PEAR1: variants seen among roughly 807,000 people sequenced by gnomAD.
The protein encoded by PEAR1 is multiple EGF-like domains protein 12.
A neutral mutation model predicts 131.2 loss-of-function variants in PEAR1; 113 were observed. That is an observed-to-expected ratio of 0.86 (90% CI 0.74 to 1.01). The LOEUF is 1.01. PEAR1 is among the 50% of genes least tolerant of loss of function. The probability of loss-of-function intolerance (pLI) is 0.00; values close to 1 mark genes in which losing one functional copy is unlikely to be tolerated. For synonymous variants in PEAR1, 565 were observed against 523.3 expected (o/e 1.08, Z -1.09); for missense variants, 1,408 against 1,391.1 (o/e 1.01, Z -0.19).
chr1:156,899,351 G>A (rs1316352458), intron 1 of PEAR1, among the ~76,000 whole-genome samples: 1 of 152,124 alleles, frequency 6.6e-6, no homozygotes, highest in African/African-American at 2.4e-5. Context: ...CCCAGGGCTG[G>A]GGGAAGCAGA....
rs774252576 is a variant in PEAR1, at chr1:156,913,993, G to A, written c.2855G>A (p.Gly952Glu). The change falls in exon 22 of 23, where the codon GGA (glycine) becomes GAA (glutamate). Residue 952 changes from glycine (G) to glutamate (E), a missense_variant. Transcript: ENST00000292357. ...ATGGAGATGAAAGGCCCTCCCTCAG[G>A]ATCTCCCCCCAGGCAGCCTCCTCAG... The part of the protein sequence containing the change: ...SYMEMKGPPS[G>E]SPPRQPPQFW... The A allele has an allele frequency of 5.0e-6, 8 of 1,613,308 alleles. No individual in the cohort carries two copies. The highest frequency in any genetic ancestry group is 1.3e-5 in the African/African-American group (1 of 74,894).
chr1:156,914,778 C>T lies in PEAR1; in HGVS notation c.3094C>T (p.Leu1032Phe). The T allele has an allele frequency of 6.2e-7, 1 of 1,613,990 alleles. No individual in the cohort carries two copies. Among genetic ancestry groups the T allele is most frequent in the South Asian group, 1.1e-5 (1 of 91,044 alleles). ...PPVRHPPSPPLRRQDR is the reference protein window; with the variant it reads ...PPVRHPPSPPFRRQDR ...AGTACGGCATCCCCCATCACCTCCACTTCGACGCCAGGACCGTTGAGGAGC... is the reference window on the plus strand; with the variant it reads ...AGTACGGCATCCCCCATCACCTCCATTTCGACGCCAGGACCGTTGAGGAGC... The change falls in exon 23 of 23, where the codon CTT becomes TTT. Residue 1032 changes from leucine to phenylalanine, a missense_variant. Physicochemically the swap from Leu to Phe is conservative, Grantham distance 22. Coordinates refer to ENST00000292357, the MANE Select transcript of PEAR1 (RefSeq NM_001080471.3).
At position 156,902,051 on chromosome 1, in the gene PEAR1, A is replaced by C. The variant is rs1649735136; in HGVS notation, c.-9-1867A>C. ...GGCCACAGTGTCAGCTCTGGAGACA[A>C]GCTGCCAGAAAGAGGCTTCTGGTCA... On this transcript the variant is annotated intron_variant, in intron 1 of 22. Transcript: ENST00000292357. This position sits in a 1 kb window ranked among gnomAD's most constrained non-coding sequence, Gnocchi z 4.3. The C allele has an allele frequency of 6.6e-6, 1 of 152,192 alleles. No homozygotes were observed. Among genetic ancestry groups the C allele is most frequent in the South Asian group, 2.1e-4 (1 of 4,834 alleles). The allele number at this position is 152,192 out of a possible 1,614,324, so 9.4% of individuals were successfully genotyped here.
chr1:156,913,656 C>G (rs749109105), intron 20 of PEAR1, 36 bp from the exon 21 acceptor site: 8 of 1,608,696 alleles, frequency 5.0e-6, no homozygotes, highest in African/African-American at 1.3e-5. Context: ...GGGGAGGGGA[C>G]AGAGGGCTGA....
chr1:156,906,253 C>G (rs370148014), intron 4 of PEAR1, 23 bp from the exon 5 acceptor site: 2 of 1,610,616 alleles, frequency 1.2e-6, no homozygotes, highest in Non-Finnish European at 1.7e-6. Context: ...GGACACATCT[C>G]ACCACACCCA....
rs561475195 is a variant in PEAR1 at position 156,898,754 on chromosome 1, G to C, written c.-10+4917G>C. ...CCTTAGCACCAAGCTAAGACGCATG[G>C]CTTTAGTGAGTGGATTGTAGCTGGA... On this transcript the variant is annotated intron_variant, in intron 1 of 22. Coordinates refer to ENST00000292357, the MANE Select transcript of PEAR1 (RefSeq NM_001080471.3). 3.9e-5 allele frequency among the ~76,000 whole-genome samples: 6 copies of C among 152,312 alleles called. No homozygotes were observed. In the East Asian group the frequency reaches 1.2e-3, roughly 29 times the overall value.
rs747255226 is a variant in PEAR1, at chr1:156,909,023, C to T, written c.1398C>T (p.Cys466=). ...AIACSPIDGE[C]VCKEGWQRGN... ...CCTGCTCACCCATCGACGGCGAGTG[C>T]GTCTGCAAGGAAGGTAATAGGGTGG... The change falls in exon 11 of 23, where the codon TGC becomes TGT. Residue 466 remains cysteine (C), a synonymous_variant. Transcript: ENST00000292357. The T allele has an allele frequency of 2.5e-6, 4 of 1,613,870 alleles. No individual in the cohort carries two copies. The highest frequency in any genetic ancestry group is 1.1e-5 in the South Asian group (1 of 91,088).
At position 156,906,771 on chromosome 1, in the gene PEAR1, AC is replaced by A. The variant is rs749009144; in HGVS notation, c.539del (p.Pro180LeufsTer197). On this transcript the variant is annotated frameshift_variant, in exon 6 of 23. Coordinates refer to ENST00000292357, the MANE Select transcript of PEAR1 (RefSeq NM_001080471.3). LOFTEE classifies it high-confidence loss of function. ...GCCCCCGAACTGCCTTCAGCCCTGT[AC>A]CCCTGGCTACTATGGCCCTGCCTGC... is the stretch of plus-strand genomic sequence containing the variant. ...LQPPNCLQPC[T>X]PGYYGPACQF... 1.2e-6 allele frequency: 2 copies of A among 1,614,084 alleles called. No homozygotes were observed. Among genetic ancestry groups the A allele is most frequent in the Non-Finnish European group, 1.7e-6 (2 of 1,180,026 alleles).
Position 156,914,873 on chromosome 1 carries a change from C to T in PEAR1, c.*75C>T. ...AAGGCTGGGGACAGAGCCTAGTGTA[C>T]CCCTGCCAGGAGCAGGGAGTGGACC... On this transcript the variant is annotated 3_prime_UTR_variant, in exon 23 of 23. Coordinates refer to ENST00000292357, the MANE Select transcript of PEAR1 (RefSeq NM_001080471.3). 2 of 1,527,250 alleles carry T rather than the reference C, an allele frequency of 1.3e-6. No individual in the cohort carries two copies. Among genetic ancestry groups the T allele is most frequent in the Middle Eastern group, 1.7e-4 (1 of 5,734 alleles). The allele number at this position is 1,527,250 out of a possible 1,614,324, so 94.6% of individuals were successfully genotyped here. A position where few individuals can be genotyped will look rare whatever the true frequency, so the allele number is the denominator to read the frequency against.
rs267598083 is a variant in PEAR1, at chr1:156,906,831, G to A, written c.595G>A (p.Asp199Asn). ...FRCQCHGAPCDPQTGACFCPA... is the reference protein window; with the variant it reads ...FRCQCHGAPCNPQTGACFCPA... ...CTGCCAGTGCCATGGGGCACCCTGC[G>A]ATCCCCAGACTGGAGCCTGCTTCTG... Residue 199 changes from aspartate (D) to asparagine (N), a missense_variant, in exon 6 of 23, where the codon GAT becomes AAT. Asp to Asn is a conservative substitution (Grantham distance 23). Coordinates refer to ENST00000292357, the MANE Select transcript of PEAR1 (RefSeq NM_001080471.3). The A allele has an allele frequency of 5.0e-6, 8 of 1,614,050 alleles. No individual in the cohort carries two copies. In the East Asian group the frequency reaches 6.7e-5, roughly 13 times the overall value.
In PEAR1 at chr1:156,908,101, G is replaced by T. The variant is rs769187229; in HGVS notation, c.903-27G>T. Reference sequence around the variant, plus strand: ...GACGGGAGGGAGGAGGTGGGGCGCCGCCAGGCTCACTCAGCTAGGTGCCCA... The same window carrying T: ...GACGGGAGGGAGGAGGTGGGGCGCCTCCAGGCTCACTCAGCTAGGTGCCCA... On this transcript the variant is annotated intron_variant, in intron 8 of 22. Transcript: ENST00000292357. The surrounding 1 kb of genome is among the most constrained non-coding windows in gnomAD (Gnocchi z 4.2). 1.9e-6 allele frequency: 3 copies of T among 1,585,518 alleles called. No individual in the cohort carries two copies. Among genetic ancestry groups the T allele is most frequent in the African/African-American group, 1.3e-5 (1 of 74,722 alleles).
Position 156,908,617 on chromosome 1 carries a change from C to T in PEAR1, c.1116-38C>T, listed in dbSNP as rs1408539217. On this transcript the variant is annotated intron_variant, in intron 9 of 22. Coordinates refer to ENST00000292357, the MANE Select transcript of PEAR1 (RefSeq NM_001080471.3). This position sits in a 1 kb window ranked among gnomAD's most constrained non-coding sequence, Gnocchi z 4.2. ...GTCGGGAAGCTGCCCTGCCCCTGCCCAGCTCAGACCGCGCCACGCCCCCGC... is the reference window on the plus strand; with the variant it reads ...GTCGGGAAGCTGCCCTGCCCCTGCCTAGCTCAGACCGCGCCACGCCCCCGC... The T allele has an allele frequency of 4.7e-6, 7 of 1,484,406 alleles. No individual in the cohort carries two copies. The highest frequency in any genetic ancestry group is 1.4e-5 in the African/African-American group (1 of 71,962). The allele number at this position is 1,484,406 out of a possible 1,614,324, so 92.0% of individuals were successfully genotyped here.
In PEAR1 at chr1:156,912,298, A is replaced by C. The variant is rs1570987787; in HGVS notation, c.2003A>C (p.His668Pro). Reference protein sequence around the residue: ...GENCAQTCQCHHGGTCHPQDG... With the variant: ...GENCAQTCQCPHGGTCHPQDG... ...AACTGTGCCCAGACCTGCCAATGTC[A>C]CCATGGTGGGACCTGCCATCCCCAG... is the stretch of plus-strand genomic sequence containing the variant. The change falls in exon 16 of 23, where the codon CAC becomes CCC. Residue 668 changes from histidine to proline, a missense_variant. Transcript: ENST00000292357. 1 of 1,613,984 alleles carries C rather than the reference A, an allele frequency of 6.2e-7. No homozygotes were observed. The highest frequency in any genetic ancestry group is 8.5e-7 in the Non-Finnish European group (1 of 1,179,974).
At chr1:156,905,122 T>C in intron 3 of PEAR1, 1 of 1,218,574 alleles carries the variant, frequency 8.2e-7, no homozygotes, top group Non-Finnish European at 1.2e-6. Flanking sequence ...CTTTTTTTAA[T>C]AGACAAGGTC....
At chr1:156,900,278 G>C (rs938115381) in intron 1 of PEAR1, among the ~76,000 whole-genome samples, 7 of 152,006 alleles carry the variant, frequency 4.6e-5, no homozygotes, top group African/African-American at 1.7e-4. Flanking sequence ...ACACATCTCA[G>C]TTCCCACGCT....
chr1:156,906,556 C>A, intron 5 of PEAR1, 81 bp from the exon 6 acceptor site: 1 of 1,581,206 alleles, frequency 6.3e-7, no homozygotes, highest in South Asian at 1.2e-5. Flanking sequence ...GGCTGGGAGA[C>A]AGAGGCTGGG....
chr1:156,911,262 T>TCTCC (rs146377491), intron 15 of PEAR1, among the ~76,000 whole-genome samples: 2 of 115,938 alleles, frequency 1.7e-5, no homozygotes, highest in South Asian at 2.9e-4. Context: ...TCTTCTTTTC[T>TCTCC]CTCCCTCCCT....
intron 15 of PEAR1, among the ~76,000 whole-genome samples, chr1:156,911,184 CTTCT>C (rs556818951): frequency 0.032 from 3,340 of 104,418 alleles, 328 homozygotes; most frequent in East Asian, 0.084. Flanking sequence ...TCTTTTCTTT[CTTCT>C]TTCTTTCTTT....
In PEAR1 at chr1:156,906,837, C is replaced by T. The variant is rs779716005; in HGVS notation, c.601C>T (p.Gln201Ter). The part of the protein sequence containing the change: ...CQCHGAPCDP[Q>*]TGACFCPAER... ...GTGCCATGGGGCACCCTGCGATCCCCAGACTGGAGCCTGCTTCTGCCCCGC... is the reference window on the plus strand; with the variant it reads ...GTGCCATGGGGCACCCTGCGATCCCTAGACTGGAGCCTGCTTCTGCCCCGC... The change falls in exon 6 of 23, where the codon CAG becomes TAG. Residue 201 changes from glutamine to a stop codon, truncating the protein, a stop_gained. Transcript: ENST00000292357. LOFTEE classifies it high-confidence loss of function. 1.2e-6 allele frequency: 2 copies of T among 1,614,078 alleles called. No homozygotes were observed. Among genetic ancestry groups the T allele is most frequent in the African/African-American group, 2.7e-5 (2 of 74,950 alleles).
Sources: allele counts gnomAD v4.1 joint callset (sites outside exome capture counted in the v4.1 genomes callset), GRCh38; gene constraint gnomAD v4.1.1; non-coding constraint Gnocchi (gnomAD v3.1); transcripts MANE v1.5; gene names NCBI Gene and HGNC (gene_info 2026-07-23, HGNC 2026-07-21).